The following RIF1 variants were observed in gnomAD, a reference collection of about 807,000 sequenced individuals.
The protein encoded by RIF1 is telomere-associated protein RIF1.
A neutral mutation model predicts 247.1 loss-of-function variants in RIF1; 45 were observed. The observed-to-expected ratio is 0.18, with a 90% CI of 0.14 to 0.23. RIF1 has a LOEUF of 0.23. Among genes scored for constraint, RIF1 ranks in the 10% least tolerant of loss-of-function variants. RIF1 has a pLI of 1.00. For missense variants in RIF1, 2,967 were observed against 2,862.5 expected (o/e 1.04, Z -0.83); for synonymous variants, 1,087 against 978.8 (o/e 1.11, Z -2.06).
intron 30 of RIF1, among the ~76,000 whole-genome samples, chr2:151,467,635 G>A (rs895709167): frequency 2.6e-5 from 4 of 152,240 alleles, no homozygotes; most frequent in South Asian, 2.1e-4. Flanking sequence ...GAGCCACTGC[G>A]CCTGGCACAT....
Position 151,464,533 on chromosome 2 carries a change from A to G in RIF1, c.5013A>G (p.Glu1671=), listed in dbSNP as rs1696631713. The G allele has an allele frequency of 1.2e-6, 2 of 1,611,818 alleles. No homozygotes were observed. The highest frequency in any genetic ancestry group is 1.7e-6 in the Non-Finnish European group (2 of 1,179,206). The change falls in exon 30 of 36, where the codon GAA becomes GAG. Residue 1671 remains glutamate (E), a synonymous_variant. Transcript: ENST00000444746. ...CCTTTACAAGTCTACCTGTGCCAGAATCAAATCTAAGGACTAGAAATGCCA... is the reference window on the plus strand; with the variant it reads ...CCTTTACAAGTCTACCTGTGCCAGAGTCAAATCTAAGGACTAGAAATGCCA... ...EYSFTSLPVP[E]SNLRTRNAIK...
At chr2:151,427,500 C>T (rs545808487) in intron 8 of RIF1, among the ~76,000 whole-genome samples, 18 of 150,414 alleles carry the variant, frequency 1.2e-4, no homozygotes, top group Admixed American at 4.6e-4. Context: ...TGTGAGCCAC[C>T]GTGCCTGGCC....
chr2:151,463,094 G>A lies in RIF1; in HGVS notation c.3574G>A (p.Glu1192Lys). 2.5e-6 allele frequency: 4 copies of A among 1,614,020 alleles called. No individual in the cohort carries two copies. The highest frequency in any genetic ancestry group is 3.4e-6 in the Non-Finnish European group (4 of 1,179,954). Residue 1192 changes from glutamate (E) to lysine (K), a missense_variant, in exon 30 of 36, where the codon GAA (glutamate) becomes AAA (lysine). Physicochemically the swap from Glu to Lys is moderately conservative, Grantham distance 56. Around this residue, in one of 7 missense-constraint regions of RIF1, gnomAD observed 2,028 missense variants for 1,825.6 expected, o/e 1.11. Coordinates refer to ENST00000444746, the MANE Select transcript of RIF1 (RefSeq NM_018151.5). ...KTSTECASST[E>K]NSFVVSSSSV... ...ATCAACTGAATGTGCATCTAGTACA[G>A]AAAATTCTTTCGTTGTCAGCAGTAG... is the stretch of plus-strand genomic sequence containing the variant.
At position 151,478,167 on chromosome 2, in the gene RIF1, A is replaced by G. The variant is rs1184051636; in HGVS notation, c.*3096A>G. ...CTTTACTCTAATTCCAAATAGTTAA[A>G]GGATGAATCAGGTTAAATAATGCTG... is the stretch of plus-strand genomic sequence containing the variant. On this transcript the variant is annotated 3_prime_UTR_variant, in exon 36 of 36. Transcript: ENST00000444746. 1 of 152,238 alleles carries G rather than the reference A, an allele frequency of 6.6e-6. No individual in the cohort carries two copies. Among genetic ancestry groups the G allele is most frequent in the African/African-American group, 2.4e-5 (1 of 41,464 alleles). 9.4% of individuals were successfully genotyped at this position (152,238 alleles called of 1,614,324 possible).
exon 11 of RIF1, chr2:151,499,462 A>AC (rs1323349072): frequency 1.3e-6 from 1 of 792,362 alleles, no homozygotes; most frequent in African/African-American, 1.7e-5. Context: ...CCTTGTGGGG[A>AC]ACCTGGTATA....
At chr2:151,519,136 AAGTGAGAT>A in the RIF1 span, 21,452 of 1,008,768 alleles carry the variant, frequency 0.021, 294 homozygotes, top group African/African-American at 0.047. Flanking sequence ...ATGGAAATCA[AAGTGAGAT>A]AGCCCATCGT....
chr2:151,430,308 A>T (rs1689852044), intron 9 of RIF1, among the ~76,000 whole-genome samples: 1 of 151,374 alleles, frequency 6.6e-6, no homozygotes. Flanking sequence ...GGTGTGAGGT[A>T]CTGCGCCCGG....
At chr2:151,438,802 G>T (rs1691725883) in intron 14 of RIF1, 56 bp downstream of exon 14, 2 of 1,008,610 alleles carry the variant, frequency 2.0e-6, no homozygotes, top group Non-Finnish European at 3.2e-6. Flanking sequence ...GTGATCAGAT[G>T]ATTTTTATAG....
chr2:151,519,263 G>C, the RIF1 span, among the ~76,000 whole-genome samples: 1 of 152,136 alleles, frequency 6.6e-6, no homozygotes, highest in Non-Finnish European at 1.5e-5. Context: ...ACAAAATGTG[G>C]CATATACATA....
intron 11 of RIF1, among the ~76,000 whole-genome samples, chr2:151,500,570 A>G (rs2063658511): frequency 6.7e-6 from 1 of 150,268 alleles, no homozygotes; most frequent in Non-Finnish European, 1.5e-5. Context: ...TTGAATAAGT[A>G]TCAAAATAAG....
chr2:151,474,129 AAT>A (rs2152547694), intron 35 of RIF1, 57 bp downstream of exon 35: 2 of 830,624 alleles, frequency 2.4e-6, no homozygotes, highest in East Asian at 2.5e-5. Flanking sequence ...ACTTTCTTGA[AAT>A]ATGTTATTTT....
At chr2:151,485,057 C>T (rs2049482595), downstream of RIF1, among the ~76,000 whole-genome samples, 1 of 151,032 alleles carries the variant, frequency 6.6e-6, no homozygotes, top group African/African-American at 2.4e-5. Flanking sequence ...GTTGCTTCTT[C>T]TCCCTTTGCC....
chr2:151,449,906 G>A (rs1323612018), intron 20 of RIF1, among the ~76,000 whole-genome samples: 4 of 149,576 alleles, frequency 2.7e-5, no homozygotes, highest in African/African-American at 7.4e-5. Context: ...GCAGTGGTGC[G>A]ATCTCGGCTC....
chr2:151,525,374 T>C, the RIF1 span: 1 of 864,244 alleles, frequency 1.2e-6, no homozygotes, highest in Non-Finnish European at 1.9e-6. Context: ...ATGCTCCCCA[T>C]TTTGGCGTCA....
chr2:151,519,814 A>G, the RIF1 span: 9 of 1,287,794 alleles, frequency 7.0e-6, no homozygotes, highest in Admixed American at 1.2e-4. Flanking sequence ...ACATCAATCA[A>G]TTTGGGAATT....
At chr2:151,423,193 C>A in intron 8 of RIF1, 151 bp downstream of exon 8, 1 of 585,134 alleles carries the variant, frequency 1.7e-6, no homozygotes, top group Non-Finnish European at 3.0e-6. Context: ...ATTTGTAAAT[C>A]TGAAACCAGT....
chr2:151,493,980 CCT>C lies in RIF1; in HGVS notation c.*416-1245_*416-1244del, dbSNP rs2058475215. The C allele has an allele frequency of 5.5e-6, 5 of 900,972 alleles. No individual in the cohort carries two copies. The Admixed American group carries it at 1.3e-4, about 24-fold the overall frequency. 55.8% of individuals were successfully genotyped at this position (900,972 alleles called of 1,614,324 possible). A position where few individuals can be genotyped will look rare whatever the true frequency, so the allele number is the denominator to read the frequency against. ...TAATCTATTACTATTAGTGAGAACA[CCT>C]CTCAAGAAGAAAGCTTAAAAATAGT... On this transcript the variant is annotated intron_variant and NMD_transcript_variant, in intron 9 of 13. Coordinates refer to the RIF1 transcript ENST00000454583.
chr2:151,425,223 C>T (rs1047905645), intron 8 of RIF1, among the ~76,000 whole-genome samples: 4 of 151,998 alleles, frequency 2.6e-5, no homozygotes, highest in African/African-American at 9.7e-5. Flanking sequence ...TGTCTAAGTC[C>T]TTGGCCCATT....
chr2:151,413,654 A>G (rs1336391322), intron 3 of RIF1, among the ~76,000 whole-genome samples: 1 of 152,234 alleles, frequency 6.6e-6, no homozygotes, highest in Non-Finnish European at 1.5e-5. Context: ...AGTAGCTCTC[A>G]AAGTATTAAG....
Sources: gnomAD v4.1 joint callset for allele counts (sites outside exome capture counted in the v4.1 genomes callset) on GRCh38, gnomAD v4.1.1 for gene constraint, gnomAD v4.1.1 regional missense constraint, MANE v1.5 for transcripts, NCBI Gene and HGNC (gene_info 2026-07-23, HGNC 2026-07-21) for gene names.